ZNF704: variants seen among roughly 807,000 people sequenced by gnomAD.
ZNF704 encodes glucocorticoid induced gene 1.
Under a neutral mutation model 44.7 loss-of-function variants are expected in ZNF704, and 10 were observed. That is an observed-to-expected ratio of 0.22 (90% CI 0.14 to 0.38). The LOEUF (loss-of-function observed/expected upper bound fraction) is 0.38, where lower values mean the gene tolerates loss of function less well. Ranked by LOEUF, ZNF704 falls within the 10% of genes least tolerant of loss-of-function variation. The pLI is 1.00. For synonymous variants in ZNF704, 211 were observed against 207.6 expected, an observed-to-expected ratio of 1.02 and a Z score of -0.14; for missense variants, 390 against 545.5, an observed-to-expected ratio of 0.71 and a Z score of 2.84.
At chr8:80,754,349 A>G (rs912677201) in intron 2 of ZNF704, among the ~76,000 whole-genome samples, 1 of 152,154 alleles carries the variant, frequency 6.6e-6, no homozygotes, top group African/African-American at 2.4e-5. Flanking sequence ...AGTCCAACAA[A>G]TATAGAAAAG....
chr8:80,768,516 C>T (rs1442673362), intron 2 of ZNF704, among the ~76,000 whole-genome samples: 1 of 152,094 alleles, frequency 6.6e-6, no homozygotes, highest in Non-Finnish European at 1.5e-5. Flanking sequence ...AGGTGAAGGC[C>T]ATGGGTTTGC....
the ZNF704 span, among the ~76,000 whole-genome samples, chr8:80,882,443 A>G: frequency 6.6e-6 from 1 of 152,048 alleles, no homozygotes; most frequent in Non-Finnish European, 1.5e-5. Context: ...TCCTTTGCCC[A>G]TAACCCTGAT....
rs1309168728 is a variant in ZNF704 at position 80,638,248 on chromosome 8, C to G, written c.*3118G>C. The G allele has an allele frequency of 1.3e-5, 2 of 152,156 alleles. No homozygotes were observed. Among genetic ancestry groups the G allele is most frequent in the African/African-American group, 4.8e-5 (2 of 41,422 alleles). The allele number at this position is 152,156 out of a possible 1,614,324, so 9.4% of individuals were successfully genotyped here. A position where few individuals can be genotyped will look rare whatever the true frequency, so the allele number is the denominator to read the frequency against. Reference sequence around the variant, plus strand: ...TGTCCTGTCAGTCACTATGAAATGACTTCTTTGGAGAGAGATGAAAAACCT... The same window carrying G: ...TGTCCTGTCAGTCACTATGAAATGAGTTCTTTGGAGAGAGATGAAAAACCT... On this transcript the variant is annotated 3_prime_UTR_variant, in exon 9 of 9. Coordinates refer to ENST00000327835, the MANE Select transcript of ZNF704 (RefSeq NM_001033723.3).
intron 8 of ZNF704, 93 bp from the exon 9 acceptor site, chr8:80,641,570 A>C (rs78833157): frequency 8.1e-6 from 1 of 122,748 alleles, no homozygotes; most frequent in African/African-American, 8.5e-5. Flanking sequence ...GTGAGGGAGG[A>C]AAAAAAAAAA....
At chr8:80,782,393 G>A (rs1468982906) in intron 2 of ZNF704, among the ~76,000 whole-genome samples, 1 of 152,208 alleles carries the variant, frequency 6.6e-6, no homozygotes, top group African/African-American at 2.4e-5. Context: ...TGATGCAGCA[G>A]TTCAGAGGAT....
intron 1 of ZNF704, among the ~76,000 whole-genome samples, chr8:80,848,681 C>CA (rs1266019343): frequency 6.6e-6 from 1 of 151,750 alleles, no homozygotes; most frequent in Non-Finnish European, 1.5e-5. Context: ...CCCATCTTTA[C>CA]AAAAAATCAG....
intron 2 of ZNF704, among the ~76,000 whole-genome samples, chr8:80,701,745 T>A (rs1224816721): frequency 1.3e-5 from 2 of 152,052 alleles, no homozygotes; most frequent in African/African-American, 4.8e-5. Context: ...TGTAGAGAGA[T>A]CAAGCCAGAT....
chr8:80,842,424 G>A (rs1808695716), intron 1 of ZNF704, among the ~76,000 whole-genome samples: 1 of 152,196 alleles, frequency 6.6e-6, no homozygotes, highest in Non-Finnish European at 1.5e-5. Flanking sequence ...CAATGTGATG[G>A]TTAATGAAGA....
chr8:80,701,912 A>G (rs1441466838), intron 2 of ZNF704, among the ~76,000 whole-genome samples: 1 of 152,154 alleles, frequency 6.6e-6, no homozygotes, highest in African/African-American at 2.4e-5. Flanking sequence ...GAGGACTCTT[A>G]AAGAGCTTGG....
Position 80,659,617 on chromosome 8 carries a change from G to T in ZNF704, c.1000C>A (p.Gln334Lys). The change falls in exon 7 of 9, where the codon CAA becomes AAA. Residue 334 changes from glutamine to lysine, a missense_variant. Coordinates refer to ENST00000327835, the MANE Select transcript of ZNF704 (RefSeq NM_001033723.3). ...PNGSSFSISW[Q>K]SPPVTFTGIP... ...CCTGTGAAAGTGACCGGAGGAGATT[G>T]CCAGGAAATGCTGAAGCTGCTGCCA... is the stretch of plus-strand genomic sequence containing the variant. 1.2e-6 allele frequency: 2 copies of T among 1,613,956 alleles called. No homozygotes were observed. The highest frequency in any genetic ancestry group is 1.7e-5 in the Admixed American group (1 of 60,008).
chr8:80,851,374 T>C (rs552950408), intron 1 of ZNF704, among the ~76,000 whole-genome samples: 3 of 152,252 alleles, frequency 2.0e-5, no homozygotes, highest in East Asian at 1.9e-4. Flanking sequence ...ATATACACCA[T>C]GGAATACTAT....
chr8:80,838,645 GGGA>G (rs1402910939), intron 1 of ZNF704, among the ~76,000 whole-genome samples: 1 of 149,168 alleles, frequency 6.7e-6, no homozygotes, highest in Non-Finnish European at 1.5e-5. Flanking sequence ...GTTAGGGAGG[GGGA>G]GGAGGAGGAA....
At chr8:80,797,982 A>G (rs1382805276) in intron 2 of ZNF704, among the ~76,000 whole-genome samples, 2 of 152,210 alleles carry the variant, frequency 1.3e-5, no homozygotes, top group Non-Finnish European at 2.9e-5. Flanking sequence ...GTAGCCATGC[A>G]GCAGCCTGAA....
intron 2 of ZNF704, among the ~76,000 whole-genome samples, chr8:80,748,384 GA>G (rs1806882964): frequency 6.6e-6 from 1 of 152,138 alleles, no homozygotes; most frequent in African/African-American, 2.4e-5. Flanking sequence ...CTTGAAGGGA[GA>G]AACTGACCAA....
chr8:80,867,789 C>T (rs1486268121), intron 1 of ZNF704, among the ~76,000 whole-genome samples: 2 of 152,214 alleles, frequency 1.3e-5, no homozygotes, highest in Non-Finnish European at 2.9e-5. Context: ...TTAACCATCC[C>T]TGAAGAACTG....
At chr8:80,810,576 T>C (rs1808065524) in intron 2 of ZNF704, among the ~76,000 whole-genome samples, 1 of 152,164 alleles carries the variant, frequency 6.6e-6, no homozygotes, top group South Asian at 2.1e-4. Context: ...GCTCTAATAG[T>C]AGCTACCATG....
chr8:80,865,361 G>GA (rs1474883385), intron 1 of ZNF704, among the ~76,000 whole-genome samples: 2 of 152,196 alleles, frequency 1.3e-5, no homozygotes, highest in African/African-American at 4.8e-5. Context: ...GGAGAAGCTA[G>GA]AATCTGAACC....
chr8:80,675,148 C>A (rs1052976388), intron 4 of ZNF704, among the ~76,000 whole-genome samples: 17 of 152,118 alleles, frequency 1.1e-4, no homozygotes, highest in African/African-American at 4.1e-4. Flanking sequence ...TAGCATGAGG[C>A]CTGTAGAAGG....
intron 2 of ZNF704, among the ~76,000 whole-genome samples, chr8:80,803,335 A>T (rs1325788722): frequency 1.3e-5 from 2 of 152,176 alleles, no homozygotes; most frequent in East Asian, 1.9e-4. Context: ...AGAAAAAACT[A>T]TTTTAAATTT....
Sources: gnomAD v4.1 joint callset for allele counts (sites outside exome capture counted in the v4.1 genomes callset) on GRCh38, gnomAD v4.1.1 for gene constraint, MANE v1.5 for transcripts, NCBI Gene and HGNC (gene_info 2026-07-23, HGNC 2026-07-21) for gene names.